Variants in ADGRG6 observed in about 807,000 individuals in gnomAD.
ADGRG6 encodes G-protein coupled receptor 126.
Under a neutral mutation model 142.4 loss-of-function variants are expected in ADGRG6, and 84 were observed. The observed-to-expected ratio is 0.59, with a 90% confidence interval of 0.49 to 0.71. The LOEUF (loss-of-function observed/expected upper bound fraction) is 0.71. Ranked by LOEUF, ADGRG6 falls within the 30% of genes least tolerant of loss-of-function variation. The probability of loss-of-function intolerance (pLI) is 0.00; values close to 1 mark genes in which losing one functional copy is unlikely to be tolerated. For synonymous variants in ADGRG6, 521 were observed against 520.5 expected (o/e 1.00, Z -0.01); for missense variants, 1,367 against 1,466.6 (o/e 0.93, Z 1.11).
chr6:142,416,075 T>G lies in ADGRG6; in HGVS notation c.2938+11T>G. 1 of 1,584,170 alleles carries G rather than the reference T, an allele frequency of 6.3e-7. No homozygotes were observed. ...GCATCATTGGCTGGGGTAAGCCTCT[T>G]AAAATTTTTTTGGTTTTGTTTTTCC... On this transcript the variant is annotated intron_variant, in intron 20 of 24. Coordinates refer to ENST00000367609, the MANE Select transcript of ADGRG6 (RefSeq NM_198569.3).
chr6:142,338,934 C>G (rs1779484331), intron 2 of ADGRG6, among the ~76,000 whole-genome samples: 1 of 152,088 alleles, frequency 6.6e-6, no homozygotes, highest in African/African-American at 2.4e-5. Flanking sequence ...AAAAAATTAT[C>G]AAATTTCCTT....
intron 10 of ADGRG6, among the ~76,000 whole-genome samples, chr6:142,398,015 A>G (rs1368481209): frequency 6.6e-6 from 1 of 152,242 alleles, no homozygotes; most frequent in Non-Finnish European, 1.5e-5. Context: ...CAATATGAAC[A>G]AAATGCCAGA....
At chr6:142,385,755 T>G (rs1291769723) in intron 6 of ADGRG6, among the ~76,000 whole-genome samples, 2 of 152,156 alleles carry the variant, frequency 1.3e-5, no homozygotes. Context: ...AAGTTTTTTT[T>G]CTTTGATGTA....
At chr6:142,351,566 A>T (rs1320156851) in intron 2 of ADGRG6, among the ~76,000 whole-genome samples, 1 of 152,234 alleles carries the variant, frequency 6.6e-6, no homozygotes, top group African/African-American at 2.4e-5. Context: ...AGATAGATCA[A>T]AGATTAAATA....
At chr6:142,380,284 A>G (rs778984711) in intron 4 of ADGRG6, among the ~76,000 whole-genome samples, 7 of 152,056 alleles carry the variant, frequency 4.6e-5, no homozygotes, top group Non-Finnish European at 7.4e-5. Flanking sequence ...CCTCTCTTCC[A>G]TCATGGCCTC....
intron 1 of ADGRG6, chr6:142,302,876 G>T (rs1273684486): frequency 6.5e-6 from 1 of 153,026 alleles, no homozygotes; most frequent in East Asian, 1.9e-4. Context: ...AGTTTAGGAA[G>T]TAATTAAGGG....
At chr6:142,302,710 C>G (rs1777289742) in intron 1 of ADGRG6, 1 of 259,992 alleles carries the variant, frequency 3.8e-6, no homozygotes, top group South Asian at 1.6e-4. Context: ...AGAAGGCGCT[C>G]TCCGGAATCA....
chr6:142,420,161 C>A, intron 22 of ADGRG6, 57 bp downstream of exon 22: 2 of 1,391,036 alleles, frequency 1.4e-6, no homozygotes, highest in Non-Finnish European at 2.0e-6. Context: ...TATTTGCAAG[C>A]AGCTTCACTT....
chr6:142,420,026 T>G lies in ADGRG6; in HGVS notation c.3241T>G (p.Trp1081Gly). 1 of 1,613,480 alleles carries G rather than the reference T, an allele frequency of 6.2e-7. No individual in the cohort carries two copies. The highest frequency in any genetic ancestry group is 8.5e-7 in the Non-Finnish European group (1 of 1,179,506). The change falls in exon 22 of 25, where the codon TGG becomes GGG. Residue 1081 changes from tryptophan to glycine, a missense_variant. By Grantham distance (184) the Trp-to-Gly change is radical. This residue lies in a region of ADGRG6 where 344 missense variants were observed against 348.7 expected (regional missense o/e 0.99). Transcript: ENST00000367609. ...CTTGACCTTTCTGTTGGGCATGACA[T>G]GGGGTTTTGCATTCTTTGCCTGGGG... Reference protein sequence around the residue: ...VSLTFLLGMTWGFAFFAWGPL... With the variant: ...VSLTFLLGMTGGFAFFAWGPL...
At chr6:142,390,224 T>C (rs376655218) in intron 6 of ADGRG6, 34 bp from the exon 7 acceptor site, 1 of 1,046,978 alleles carries the variant, frequency 9.6e-7, no homozygotes, top group Non-Finnish European at 1.4e-6. Context: ...TATAAACATA[T>C]AATTAATGGA....
At chr6:142,384,923 A>C (rs1006026521) in intron 6 of ADGRG6, among the ~76,000 whole-genome samples, 3 of 152,150 alleles carry the variant, frequency 2.0e-5, no homozygotes, top group African/African-American at 7.2e-5. Flanking sequence ...TCTGATAGTT[A>C]CACCAAGGAG....
chr6:142,355,956 C>T (rs558875355), intron 2 of ADGRG6, among the ~76,000 whole-genome samples: 1 of 152,234 alleles, frequency 6.6e-6, no homozygotes, highest in South Asian at 2.1e-4. Context: ...ATGTGGAGGC[C>T]CCCTGGGGCA....
At chr6:142,401,917 C>T in intron 11 of ADGRG6, 77 bp from the exon 12 acceptor site, 1 of 670,154 alleles carries the variant, frequency 1.5e-6, no homozygotes, top group Non-Finnish European at 2.7e-6. Flanking sequence ...ATGTATATAT[C>T]ATGTAAAAAT....
chr6:142,350,252 A>C (rs1009943109), intron 2 of ADGRG6, among the ~76,000 whole-genome samples: 1 of 152,214 alleles, frequency 6.6e-6, no homozygotes. Flanking sequence ...AAGCATAGAG[A>C]TATTAGAGAA....
At chr6:142,409,987 C>A in intron 17 of ADGRG6, 68 bp downstream of exon 17, 1 of 664,506 alleles carries the variant, frequency 1.5e-6, no homozygotes. Flanking sequence ...TTAGACACCC[C>A]CATTTCCTTT....
At chr6:142,383,631 GTCTT>G in intron 5 of ADGRG6, 125 bp from the exon 6 acceptor site, 1 of 609,234 alleles carries the variant, frequency 1.6e-6, no homozygotes, top group Non-Finnish European at 2.9e-6. Context: ...CAACCTTGGA[GTCTT>G]TTGTATTTCA....
chr6:142,404,282 G>T, intron 14 of ADGRG6: 1 of 296,190 alleles, frequency 3.4e-6, no homozygotes. Context: ...AGCTTTAAGG[G>T]CCCCAAGGTG....
intron 9 of ADGRG6, among the ~76,000 whole-genome samples, chr6:142,394,219 G>C (rs978023774): frequency 6.6e-6 from 1 of 152,096 alleles, no homozygotes. Context: ...AGTATTTCCA[G>C]TTTATTTATC....
intron 2 of ADGRG6, among the ~76,000 whole-genome samples, chr6:142,336,749 A>T (rs564538489): frequency 6.6e-6 from 1 of 152,328 alleles, no homozygotes; most frequent in East Asian, 1.9e-4. Flanking sequence ...CCCTCCTTAG[A>T]GGGGTGGTAT....
Sources: allele counts gnomAD v4.1 joint callset (sites outside exome capture counted in the v4.1 genomes callset), GRCh38; gene constraint gnomAD v4.1.1; regional missense constraint gnomAD v4.1.1; transcripts MANE v1.5; gene names NCBI Gene and HGNC (gene_info 2026-07-23, HGNC 2026-07-21).